The following CRIM1 variants were observed in gnomAD, a reference collection of about 807,000 sequenced individuals.
The protein encoded by CRIM1 is cysteine rich transmembrane BMP regulator 1.
Under a neutral mutation model 116.4 loss-of-function variants are expected in CRIM1, and 32 were observed. That is an observed-to-expected ratio of 0.27 (90% confidence interval 0.21 to 0.37). The LOEUF (loss-of-function observed/expected upper bound fraction) is 0.37, where lower values mean the gene tolerates loss of function less well. Among genes scored for constraint, CRIM1 ranks in the 10% least tolerant of loss-of-function variants. The pLI, the probability that CRIM1 is intolerant of heterozygous loss-of-function variation, is 1.00. For missense variants in CRIM1, 1,331 were observed against 1,354.8 expected, an observed-to-expected ratio of 0.98 and a Z score of 0.28; for synonymous variants, 590 against 509.2, an observed-to-expected ratio of 1.16 and a Z score of -2.13.
chr2:36,476,779 T>C (rs1305076257), intron 5 of CRIM1, 110 bp from the exon 6 acceptor site: 14 of 816,902 alleles, frequency 1.7e-5, no homozygotes, highest in Non-Finnish European at 2.5e-5. Context: ...TAAATTTCCA[T>C]CAACTTATAA....
intron 2 of CRIM1, among the ~76,000 whole-genome samples, chr2:36,421,645 T>C (rs1674075620): frequency 6.6e-6 from 1 of 152,206 alleles, no homozygotes. Context: ...ACATTGAGAT[T>C]CTTAGGTGGG....
chr2:36,534,863 ACT>A (rs1344711599), intron 13 of CRIM1, among the ~76,000 whole-genome samples: 1 of 152,120 alleles, frequency 6.6e-6, no homozygotes, highest in Non-Finnish European at 1.5e-5. Context: ...GTACGGTAAC[ACT>A]GTTACTCAAA....
chr2:36,457,821 A>G (rs1199592888), intron 4 of CRIM1, among the ~76,000 whole-genome samples: 1 of 152,110 alleles, frequency 6.6e-6, no homozygotes. Flanking sequence ...AAGATAGTAC[A>G]TCGAATTTAA....
At chr2:36,481,856 A>G (rs1343358237) in intron 7 of CRIM1, among the ~76,000 whole-genome samples, 1 of 151,974 alleles carries the variant, frequency 6.6e-6, no homozygotes, top group Admixed American at 6.6e-5. Context: ...TAGTGTCCTC[A>G]CCCATCTCTA....
chr2:36,403,382 C>T (rs992449625), intron 2 of CRIM1, among the ~76,000 whole-genome samples: 6 of 152,116 alleles, frequency 3.9e-5, no homozygotes, highest in Non-Finnish European at 7.3e-5. Context: ...CAAAAATTGG[C>T]GTGTGATACT....
rs563572674 is a variant in CRIM1, at chr2:36,491,096, T to C, written c.1373-8123T>C. 7.9e-5 allele frequency among the ~76,000 whole-genome samples: 12 copies of C among 152,336 alleles called. No individual in the cohort carries two copies. In the South Asian group the frequency reaches 2.5e-3, roughly 32 times the overall value. ...GTTTTCAGGATTATTTTAATAACAC[T>C]TTTTATTTGGCATTATCAAGGAGTA... On this transcript the variant is annotated intron_variant, in intron 7 of 16. Transcript: ENST00000280527.
In CRIM1 at chr2:36,442,598, C is replaced by T; in HGVS notation, c.749-17C>T. ...AAATATAACAATAAACGGTGCCTCT[C>T]TGTTTGCCCCTTTCAGTTTTCGGCG... On this transcript the variant is annotated splice_polypyrimidine_tract_variant and intron_variant, in intron 3 of 16. Transcript: ENST00000280527. The T allele has an allele frequency of 6.2e-7, 1 of 1,614,130 alleles. No homozygotes were observed. The highest frequency in any genetic ancestry group is 1.7e-5 in the Admixed American group (1 of 60,028).
intron 1 of CRIM1, among the ~76,000 whole-genome samples, chr2:36,364,559 G>T (rs1039650667): frequency 1.3e-5 from 2 of 152,164 alleles, no homozygotes; most frequent in South Asian, 4.1e-4. Context: ...GCAGCAACAA[G>T]AAAGACCTGA....
chr2:36,511,997 C>A (rs750360223), intron 9 of CRIM1, among the ~76,000 whole-genome samples: 2 of 152,210 alleles, frequency 1.3e-5, no homozygotes, highest in Non-Finnish European at 2.9e-5. Flanking sequence ...TGGTGTACCA[C>A]TCTCCCTAAT....
Position 36,356,247 on chromosome 2 carries a change from C to T in CRIM1, c.-46C>T, listed in dbSNP as rs774876529. The T allele has an allele frequency of 2.7e-5, 32 of 1,199,106 alleles. 1 individual carries two copies. In the Admixed American group the frequency reaches 7.7e-4, roughly 29 times the overall value. 74.3% of individuals were successfully genotyped at this position (1,199,106 alleles called of 1,614,324 possible). A position where few individuals can be genotyped will look rare whatever the true frequency, so the allele number is the denominator to read the frequency against. ...CCCGCGCAGGGGAGGGCGCCCGCCC[C>T]GCTCCCGGCCCGGCTGCGAGGAGGA... On this transcript the variant is annotated 5_prime_UTR_variant, in exon 1 of 17. Transcript: ENST00000280527. The surrounding 1 kb of genome is among the most constrained non-coding windows in gnomAD (Gnocchi z 4.3).
chr2:36,395,694 T>A (rs951206552), intron 1 of CRIM1, among the ~76,000 whole-genome samples: 3 of 152,180 alleles, frequency 2.0e-5, no homozygotes, highest in African/African-American at 7.2e-5. Flanking sequence ...GGTCTCAGCC[T>A]TTGTATTCAG....
chr2:36,492,655 A>T (rs116601338), intron 7 of CRIM1, among the ~76,000 whole-genome samples: 1,908 of 152,300 alleles, frequency 0.013, 57 homozygotes, highest in African/African-American at 0.044. Context: ...TAACAGCTTG[A>T]CATATGAAAA....
At chr2:36,439,676 T>C (rs990066790) in intron 2 of CRIM1, among the ~76,000 whole-genome samples, 1 of 152,158 alleles carries the variant, frequency 6.6e-6, no homozygotes, top group Non-Finnish European at 1.5e-5. Context: ...TTCAAGTCTT[T>C]GTTCAGCCGT....
chr2:36,368,533 C>G (rs1052657200), intron 1 of CRIM1, among the ~76,000 whole-genome samples: 31 of 152,208 alleles, frequency 2.0e-4, no homozygotes, highest in Non-Finnish European at 4.3e-4. Context: ...ATGCCCAGCA[C>G]GGCTTCCAGT....
At chr2:36,375,291 T>G (rs1273494513) in intron 1 of CRIM1, among the ~76,000 whole-genome samples, 1 of 152,206 alleles carries the variant, frequency 6.6e-6, no homozygotes, top group Non-Finnish European at 1.5e-5. Flanking sequence ...ATTAAGTTTG[T>G]TGAAATTGTA....
intron 4 of CRIM1, among the ~76,000 whole-genome samples, chr2:36,458,730 A>G (rs1186880992): frequency 6.6e-6 from 1 of 152,142 alleles, no homozygotes; most frequent in Non-Finnish European, 1.5e-5. Flanking sequence ...CAGGTGAGTG[A>G]GAAGAGGATG....
chr2:36,362,118 TAA>T, intron 1 of CRIM1, among the ~76,000 whole-genome samples: 1 of 152,104 alleles, frequency 6.6e-6, no homozygotes, highest in African/African-American at 2.4e-5. Flanking sequence ...AGATAAGAAA[TAA>T]AGACAGCAAG....
chr2:36,543,536 G>T (rs570712529), intron 14 of CRIM1, among the ~76,000 whole-genome samples: 2 of 152,150 alleles, frequency 1.3e-5, no homozygotes, highest in Non-Finnish European at 2.9e-5. Context: ...GGATCTGCCC[G>T]AAAGGAAATA....
chr2:36,508,187 G>A (rs771497376), intron 8 of CRIM1, among the ~76,000 whole-genome samples: 3 of 152,138 alleles, frequency 2.0e-5, no homozygotes, highest in Non-Finnish European at 4.4e-5. Context: ...TTGCTTTACA[G>A]TGTAATACAG....
Sources: gnomAD v4.1 joint callset for allele counts (sites outside exome capture counted in the v4.1 genomes callset) on GRCh38, gnomAD v4.1.1 for gene constraint, Gnocchi (gnomAD v3.1) non-coding constraint, MANE v1.5 for transcripts, NCBI Gene and HGNC (gene_info 2026-07-23, HGNC 2026-07-21) for gene names.